OC90: variants seen among roughly 807,000 people sequenced by gnomAD.
OC90 encodes otoconin-90.
Under a neutral mutation model 47.3 loss-of-function variants are expected in OC90, and 46 were observed. The observed-to-expected ratio is 0.97, with a 90% CI of 0.77 to 1.24. The LOEUF is 1.24. OC90 is among the 50% of genes most tolerant of loss of function. OC90 has a pLI of 0.00. For synonymous variants in OC90, 271 were observed against 219.5 expected (o/e 1.23, Z -2.07); for missense variants, 688 against 583.9 (o/e 1.18, Z -1.84).
At position 132,038,822 on chromosome 8, in the gene OC90, A is replaced by T; in HGVS notation, c.596T>A (p.Ile199Asn). Residue 199 changes from isoleucine (I) to asparagine (N), a missense_variant, in exon 8 of 14, where the codon ATC becomes AAC. Ile to Asn is a moderately radical substitution (Grantham distance 149). Transcript: ENST00000254627. ...FCLAQTPETT[I>N]KEDLTTLLPR... ...CAGAAGTGTTGTCAAGTCTTCCTTG[A>T]TGGTTGTCTCTGAAAAGAAAACACT... The T allele has an allele frequency of 6.2e-7, 1 of 1,613,900 alleles. No homozygotes were observed. Among genetic ancestry groups the T allele is most frequent in the Non-Finnish European group, 8.5e-7 (1 of 1,179,844 alleles).
intron 2 of OC90, among the ~76,000 whole-genome samples, chr8:132,053,857 G>A (rs984518782): frequency 1.3e-5 from 2 of 152,218 alleles, no homozygotes; most frequent in African/African-American, 4.8e-5. Context: ...TCACAAGGCA[G>A]CTCCGAGTGA....
intron 6 of OC90, among the ~76,000 whole-genome samples, chr8:132,039,967 G>A (rs529621623): frequency 6.6e-6 from 1 of 152,188 alleles, no homozygotes; most frequent in Admixed American, 6.5e-5. Context: ...TATACAATTT[G>A]TTTTGGATAG....
At chr8:132,034,953 G>T in intron 9 of OC90, 119 bp from the exon 10 acceptor site, 1 of 671,476 alleles carries the variant, frequency 1.5e-6, no homozygotes, top group Non-Finnish European at 2.6e-6. Context: ...CTCTGCCCCT[G>T]GCCCACTTCC....
rs747838035 is a variant in OC90 at position 132,033,139 on chromosome 8, C to G, written c.759G>C (p.Arg253Ser). The G allele has an allele frequency of 1.2e-6, 2 of 1,606,442 alleles. 1 individual carries two copies. Among genetic ancestry groups the G allele is most frequent in the Non-Finnish European group, 1.7e-6 (2 of 1,176,478 alleles). Residue 253 changes from arginine to serine, a missense_variant, in exon 11 of 14, where the codon AGG (arginine) becomes AGC (serine). By Grantham distance (110) the Arg-to-Ser change is moderately radical. Coordinates refer to ENST00000254627, the MANE Select transcript of OC90 (RefSeq NM_001080399.3). ...PPGSAEIVAT[R>S]VTAKIVTLVP... ...CAAGGGTTACAATTTTAGCTGTAAC[C>G]CTTGTTGCAACTATCTCTGCAGATC...
intron 13 of OC90, among the ~76,000 whole-genome samples, chr8:132,026,629 A>G (rs1042545725): frequency 6.6e-6 from 1 of 152,192 alleles, no homozygotes; most frequent in East Asian, 1.9e-4. Flanking sequence ...TAAATCTCAC[A>G]GAGGGTCAGA....
chr8:132,037,414 C>T (rs1315893165), intron 9 of OC90, 24 bp downstream of exon 9: 2 of 1,568,146 alleles, frequency 1.3e-6, no homozygotes, highest in Admixed American at 3.7e-5. Flanking sequence ...TCTTTGGGTT[C>T]CACACTAGCC....
At chr8:132,027,120 T>C (rs1278034714) in intron 13 of OC90, among the ~76,000 whole-genome samples, 1 of 152,218 alleles carries the variant, frequency 6.6e-6, no homozygotes, top group Non-Finnish European at 1.5e-5. Flanking sequence ...ACTGCCATAC[T>C]GTAGACTCAA....
intron 1 of OC90, among the ~76,000 whole-genome samples, chr8:132,055,919 G>A (rs910442579): frequency 6.6e-6 from 1 of 152,200 alleles, no homozygotes; most frequent in African/African-American, 2.4e-5. Flanking sequence ...GGGAGGCGCA[G>A]GGAAAAGACC....
chr8:132,046,763 T>C (rs559173278), intron 2 of OC90, among the ~76,000 whole-genome samples: 31 of 152,352 alleles, frequency 2.0e-4, no homozygotes, highest in South Asian at 1.9e-3. Context: ...TGGAGAGTTA[T>C]GGAGTCAGCA....
chr8:132,034,876 G>A, intron 9 of OC90, 42 bp from the exon 10 acceptor site: 1 of 1,529,542 alleles, frequency 6.5e-7, no homozygotes, highest in Non-Finnish European at 9.0e-7. Flanking sequence ...ATCCACCCCA[G>A]CCTGTCCCAC....
rs77741792 is a variant in OC90, at chr8:132,055,388, A to C, written c.-47-315T>G. 9.8e-3 allele frequency among the ~76,000 whole-genome samples: 1,500 copies of C among 152,322 alleles called. 26 individuals are homozygous for C. The highest frequency in any genetic ancestry group is 0.034 in the African/African-American group (1,430 of 41,572). Reference sequence around the variant, plus strand: ...CTTCCAGGCCTGCCTCGTGTCAGGCATCAAAGGATTGAGGATCCAGGAGTG... The same window carrying C: ...CTTCCAGGCCTGCCTCGTGTCAGGCCTCAAAGGATTGAGGATCCAGGAGTG... On this transcript the variant is annotated intron_variant, in intron 1 of 13. Coordinates refer to ENST00000254627, the MANE Select transcript of OC90 (RefSeq NM_001080399.3).
At chr8:132,029,226 T>C in intron 12 of OC90, 47 bp from the exon 13 acceptor site, 1 of 1,454,096 alleles carries the variant, frequency 6.9e-7, no homozygotes, top group Non-Finnish European at 9.7e-7. Context: ...CTGGCTTCCC[T>C]AGGAACCCCC....
At position 132,055,041 on chromosome 8, in the gene OC90, G is replaced by C; in HGVS notation, c.-15C>G. 2 of 1,537,218 alleles carry C rather than the reference G, an allele frequency of 1.3e-6. No individual in the cohort carries two copies. Among genetic ancestry groups the C allele is most frequent in the Non-Finnish European group, 1.7e-6 (2 of 1,145,974 alleles). On this transcript the variant is annotated 5_prime_UTR_variant, in exon 2 of 14. Transcript: ENST00000254627. The stretch of plus-strand genomic sequence containing the variant: ...AACGCAATCATAGCAGGAGAACAAA[G>C]GATGGGGCTTAGGCAGCAACTGGAA...
At position 132,024,635 on chromosome 8, in the gene OC90, T is replaced by C. The variant is rs1490921671; in HGVS notation, c.1280A>G (p.Asp427Gly). 3 of 1,613,500 alleles carry C rather than the reference T, an allele frequency of 1.9e-6. No individual in the cohort carries two copies. Among genetic ancestry groups the C allele is most frequent in the Non-Finnish European group, 2.5e-6 (3 of 1,179,760 alleles). ...GCPGQPAACE[D>G]SLHPVPAAPT... ...GGCTGCGGGCACAGGGTGCAGGCTG[T>C]CTTCACAGGCTGCTGGCTGCCCAGG... is the stretch of plus-strand genomic sequence containing the variant. Residue 427 changes from aspartate (D) to glycine (G), a missense_variant, in exon 14 of 14, where the codon GAC becomes GGC. Physicochemically the swap from Asp to Gly is moderately conservative, Grantham distance 94. Transcript: ENST00000254627.
chr8:132,047,419 T>C (rs1009379886), intron 2 of OC90, among the ~76,000 whole-genome samples: 1 of 152,236 alleles, frequency 6.6e-6, no homozygotes, highest in Non-Finnish European at 1.5e-5. Context: ...TGTATGCACA[T>C]AATAACATTT....
At chr8:132,032,590 C>A (rs1254919587) in intron 11 of OC90, among the ~76,000 whole-genome samples, 2 of 152,210 alleles carry the variant, frequency 1.3e-5, no homozygotes, top group Admixed American at 6.5e-5. Flanking sequence ...TCATGGAAGG[C>A]ACACCCAGAT....
At chr8:132,043,647 C>G (rs757678940) in intron 4 of OC90, among the ~76,000 whole-genome samples, 4 of 152,192 alleles carry the variant, frequency 2.6e-5, no homozygotes, top group Non-Finnish European at 4.4e-5. Context: ...TCATACTATT[C>G]ACCTCATTCA....
At chr8:132,049,243 C>T (rs924276679) in intron 2 of OC90, among the ~76,000 whole-genome samples, 1 of 147,276 alleles carries the variant, frequency 6.8e-6, no homozygotes, top group Admixed American at 6.6e-5. Flanking sequence ...TCAAGTCTTG[C>T]AGACCTATGT....
At chr8:132,029,203 C>T in intron 12 of OC90, 24 bp from the exon 13 acceptor site, 6 of 1,568,732 alleles carry the variant, frequency 3.8e-6, no homozygotes, top group Non-Finnish European at 5.3e-6. Flanking sequence ...AAACCCTTTA[C>T]TTCTCAGAGC....
Sources: allele counts gnomAD v4.1 joint callset (sites outside exome capture counted in the v4.1 genomes callset), GRCh38; gene constraint gnomAD v4.1.1; transcripts MANE v1.5; gene names NCBI Gene and HGNC (gene_info 2026-07-23, HGNC 2026-07-21).